SAP30L: variants seen among roughly 807,000 people sequenced by gnomAD.
The protein encoded by SAP30L is histone deacetylase complex subunit SAP30L.
Under a neutral mutation model 22.3 loss-of-function variants are expected in SAP30L, and 10 were observed. The observed-to-expected ratio is 0.45, with a 90% CI of 0.28 to 0.76. The LOEUF is 0.76. Among genes scored for constraint, SAP30L ranks in the 30% least tolerant of loss-of-function variants. SAP30L has a pLI of 0.14. For synonymous variants in SAP30L, 91 were observed against 94.1 expected, an observed-to-expected ratio of 0.97 and a Z score of 0.19; for missense variants, 206 against 237.9, an observed-to-expected ratio of 0.87 and a Z score of 0.88.
At chr5:154,452,543 A>G (rs367740225) in intron 2 of SAP30L, 15 of 906,466 alleles carry the variant, frequency 1.7e-5, no homozygotes, top group African/African-American at 1.8e-5. Flanking sequence ...TTTCATGACT[A>G]TGCAGCTTTC....
chr5:154,450,603 T>A (rs528990453), intron 1 of SAP30L, among the ~76,000 whole-genome samples: 20 of 152,232 alleles, frequency 1.3e-4, no homozygotes, highest in Admixed American at 6.5e-5. Flanking sequence ...TCTAAGCTGT[T>A]CTCATGCCCA....
chr5:154,449,123 C>T (rs765740695), intron 1 of SAP30L, among the ~76,000 whole-genome samples: 27 of 152,208 alleles, frequency 1.8e-4, no homozygotes, highest in Non-Finnish European at 1.5e-4. Flanking sequence ...GAGAGTCTAG[C>T]AGAGAACCTT....
rs933707794 is a variant in SAP30L at position 154,458,365 on chromosome 5, A to T, written c.*2337A>T. 2 of 152,234 alleles carry T rather than the reference A, an allele frequency of 1.3e-5. No individual in the cohort carries two copies. The highest frequency in any genetic ancestry group is 4.8e-5 in the African/African-American group (2 of 41,456). 9.4% of individuals were successfully genotyped at this position (152,234 alleles called of 1,614,324 possible). A position where few individuals can be genotyped will look rare whatever the true frequency, so the allele number is the denominator to read the frequency against. On this transcript the variant is annotated 3_prime_UTR_variant, in exon 4 of 4. Coordinates refer to ENST00000297109, the MANE Select transcript of SAP30L (RefSeq NM_024632.6). ...CAGAAATCTGTTCTTTCATCAAACC[A>T]CTAAACCACTCGCCTTAGCCTCTTC...
At position 154,450,787 on chromosome 5, in the gene SAP30L, T is replaced by A. The variant is rs536788989; in HGVS notation, c.202-304T>A. On this transcript the variant is annotated intron_variant, in intron 1 of 3. Transcript: ENST00000297109. ...CCTGTCTGCCTAAAGTCCTCCCTTT[T>A]AGTCAGGGCCCTTCACCCTGAGCAT... Among the ~76,000 whole-genome samples the A allele has an allele frequency of 6.4e-4, 98 of 152,340 alleles. 1 individual carries two copies. The highest frequency in any genetic ancestry group is 2.2e-3 in the African/African-American group (93 of 41,580).
chr5:154,453,334 C>CAT, intron 2 of SAP30L, 68 bp from the exon 3 acceptor site: 1 of 1,069,802 alleles, frequency 9.3e-7, no homozygotes, highest in Non-Finnish European at 1.4e-6. Flanking sequence ...GTGCTAGGCA[C>CAT]ATAGTGGGCT....
chr5:154,456,228 C>A lies in SAP30L; in HGVS notation c.*200C>A. 2.4e-6 allele frequency: 1 copy of A among 421,182 alleles called. No individual in the cohort carries two copies. Among genetic ancestry groups the A allele is most frequent in the Non-Finnish European group, 4.1e-6 (1 of 244,652 alleles). The allele number at this position is 421,182 out of a possible 1,614,324, so 26.1% of individuals were successfully genotyped here. On this transcript the variant is annotated 3_prime_UTR_variant, in exon 4 of 4. Transcript: ENST00000297109. Reference sequence around the variant, plus strand: ...AGAAAGACTTTCTTTTACGATAACTCTGGACTAAAAAAATCAGGATCATTA... The same window carrying A: ...AGAAAGACTTTCTTTTACGATAACTATGGACTAAAAAAATCAGGATCATTA...
chr5:154,449,950 C>CTGAA (rs1757104765), intron 1 of SAP30L, among the ~76,000 whole-genome samples: 1 of 152,176 alleles, frequency 6.6e-6, no homozygotes, highest in South Asian at 2.1e-4. Flanking sequence ...GATCATTCAT[C>CTGAA]TGAATAAATA....
rs1387997989 is a variant in SAP30L, at chr5:154,446,299, C to T, written c.-306C>T. The T allele has an allele frequency of 2.0e-5, 6 of 299,018 alleles. No homozygotes were observed. Among genetic ancestry groups the T allele is most frequent in the Non-Finnish European group, 3.7e-5 (6 of 162,364 alleles). The allele number at this position is 299,018 out of a possible 1,614,324, so 18.5% of individuals were successfully genotyped here. On this transcript the variant is annotated 5_prime_UTR_variant, in exon 1 of 4. Coordinates refer to ENST00000297109, the MANE Select transcript of SAP30L (RefSeq NM_024632.6). ...TCCTGGGACGCCCTCCCGGACACCC[C>T]CGCTGCAGGGTTACGGTTCTGGGCC...
At chr5:154,453,153 C>T (rs962208493) in intron 2 of SAP30L, 6 of 403,124 alleles carry the variant, frequency 1.5e-5, no homozygotes, top group Admixed American at 4.1e-5. Context: ...GACCCTGCTC[C>T]TCCTTAGCTT....
At chr5:154,447,609 C>G (rs927428093) in intron 1 of SAP30L, among the ~76,000 whole-genome samples, 2 of 152,194 alleles carry the variant, frequency 1.3e-5, no homozygotes, top group African/African-American at 4.8e-5. Context: ...TAAGTGATTG[C>G]TTCATGATTA....
chr5:154,446,875 T>G, intron 1 of SAP30L, 70 bp downstream of exon 1: 1 of 1,371,314 alleles, frequency 7.3e-7, no homozygotes, highest in Non-Finnish European at 1.0e-6. Context: ...TGGGCTCCAG[T>G]CGGGACTCCC....
At chr5:154,453,529 GA>G (rs747172440) in intron 3 of SAP30L, 29 bp downstream of exon 3, 342 of 1,428,862 alleles carry the variant, frequency 2.4e-4, no homozygotes, top group Admixed American at 7.7e-4. Flanking sequence ...CCTCTAAAGA[GA>G]GCCAGCATTG....
chr5:154,453,647 G>A (rs192520261), intron 3 of SAP30L, 147 bp downstream of exon 3: 128 of 625,782 alleles, frequency 2.0e-4, no homozygotes, highest in Admixed American at 3.1e-4. Flanking sequence ...TGGCAATTTA[G>A]AACCCCACAG....
At chr5:154,453,109 C>T (rs764477533) in intron 2 of SAP30L, 88 of 286,088 alleles carry the variant, frequency 3.1e-4, no homozygotes, top group Middle Eastern at 1.1e-3. Flanking sequence ...GTGATCTTTT[C>T]CCCTATTCCC....
chr5:154,451,082 C>T lies in SAP30L; in HGVS notation c.202-9C>T. The stretch of plus-strand genomic sequence containing the variant: ...GGCCAACTCTGACTTTGATTTTTGT[C>T]TCCATCAGGTAAGGCACCTATATAT... On this transcript the variant is annotated splice_polypyrimidine_tract_variant and intron_variant, in intron 1 of 3. Coordinates refer to ENST00000297109, the MANE Select transcript of SAP30L (RefSeq NM_024632.6). The T allele has an allele frequency of 6.2e-7, 1 of 1,613,618 alleles. No individual in the cohort carries two copies. Among genetic ancestry groups the T allele is most frequent in the Non-Finnish European group, 8.5e-7 (1 of 1,179,864 alleles).
intron 1 of SAP30L, among the ~76,000 whole-genome samples, chr5:154,448,221 C>T (rs1369679092): frequency 6.6e-6 from 1 of 152,176 alleles, no homozygotes; most frequent in Non-Finnish European, 1.5e-5. Flanking sequence ...AATGATCCAC[C>T]CGCCTAGGCC....
chr5:154,449,991 A>G (rs1757105642), intron 1 of SAP30L, among the ~76,000 whole-genome samples: 1 of 152,262 alleles, frequency 6.6e-6, no homozygotes, highest in Non-Finnish European at 1.5e-5. Flanking sequence ...TTCTCCATGA[A>G]AAGGTCTGAA....
chr5:154,454,917 C>T (rs1040315295), intron 3 of SAP30L, among the ~76,000 whole-genome samples: 5 of 151,458 alleles, frequency 3.3e-5, no homozygotes, highest in African/African-American at 1.2e-4. Flanking sequence ...GTTCATTTAA[C>T]ACAATTTTTT....
chr5:154,448,120 C>G (rs1757064296), intron 1 of SAP30L, among the ~76,000 whole-genome samples: 1 of 152,002 alleles, frequency 6.6e-6, no homozygotes, highest in Non-Finnish European at 1.5e-5. Context: ...GGATTACAGG[C>G]GTTTGCCGCC....
Sources: allele counts gnomAD v4.1 joint callset (sites outside exome capture counted in the v4.1 genomes callset), GRCh38; gene constraint gnomAD v4.1.1; transcripts MANE v1.5; gene names NCBI Gene and HGNC (gene_info 2026-07-23, HGNC 2026-07-21).